ABCC11: variants seen among roughly 807,000 people sequenced by gnomAD.
ABCC11 encodes the protein ATP binding cassette subfamily C member 11, also known as ATP-binding cassette sub-family C member 11.
A neutral mutation model predicts 149.3 loss-of-function variants in ABCC11; 135 were observed. The ratio of observed to expected loss-of-function variants is 0.90; its 90% confidence interval spans 0.79 to 1.04. The LOEUF (loss-of-function observed/expected upper bound fraction) is 1.04. Ranked by LOEUF, ABCC11 falls within the 50% of genes least tolerant of loss-of-function variation. The pLI is 0.00. For synonymous variants in ABCC11, 665 were observed against 671.4 expected (o/e 0.99, Z 0.15); for missense variants, 1,680 against 1,722.1 (o/e 0.98, Z 0.43).
intron 27 of ABCC11, 24 bp from the exon 28 acceptor site, chr16:48,170,242 A>G (rs771278717): frequency 1.3e-6 from 2 of 1,593,680 alleles, no homozygotes; most frequent in Admixed American, 3.3e-5. Flanking sequence ...AGAAGAGACA[A>G]CATAACCTGG....
rs1970703368 is a variant in ABCC11 at position 48,236,639 on chromosome 16, A to G, written c.-18-4700T>C. On this transcript the variant is annotated intron_variant, in intron 1 of 29. Coordinates refer to ENST00000356608, the MANE Select transcript of ABCC11 (RefSeq NM_001370497.1). ...TACATGCAGAGTCTGTCAAAAAAGG[A>G]GCTAGGAAAGCCACACAGTCACGAA... Among the ~76,000 whole-genome samples, 3 of 152,324 alleles carry G rather than the reference A, an allele frequency of 2.0e-5. No individual in the cohort carries two copies. In the South Asian group the frequency reaches 6.2e-4, roughly 32 times the overall value.
intron 1 of ABCC11, among the ~76,000 whole-genome samples, chr16:48,239,711 C>T (rs951633966): frequency 4.0e-5 from 6 of 151,834 alleles, no homozygotes; most frequent in African/African-American, 1.5e-4. Context: ...TTCTGCACAG[C>T]AAAAGAAACT....
At chr16:48,243,203 C>T (rs781730276) in intron 1 of ABCC11, among the ~76,000 whole-genome samples, 6 of 151,418 alleles carry the variant, frequency 4.0e-5, no homozygotes, top group South Asian at 2.1e-4. Context: ...AGATTGAGAC[C>T]ATCCTGGCTA....
At chr16:48,175,466 G>C (rs758654200) in intron 25 of ABCC11, 49 bp from the exon 26 acceptor site, 1 of 1,570,432 alleles carries the variant, frequency 6.4e-7, no homozygotes, top group East Asian at 2.3e-5. Flanking sequence ...ATCTGCACTA[G>C]CGGAAGCACA....
intron 15 of ABCC11, among the ~76,000 whole-genome samples, chr16:48,199,372 C>A: frequency 6.6e-6 from 1 of 151,048 alleles, no homozygotes. Context: ...TTTTCTAAAC[C>A]TTGTTTAGGT....
chr16:48,211,351 G>A (rs1968913244), intron 10 of ABCC11, 152 bp from the exon 11 acceptor site: 2 of 959,284 alleles, frequency 2.1e-6, no homozygotes, highest in Non-Finnish European at 3.0e-6. Flanking sequence ...AGTTAGGAAA[G>A]GCCAGTTTCT....
In ABCC11 at chr16:48,211,092, G is replaced by A. The variant is rs773431192; in HGVS notation, c.1464C>T (p.Pro488=). 39 of 1,614,040 alleles carry A rather than the reference G, an allele frequency of 2.4e-5. No homozygotes were observed. The highest frequency in any genetic ancestry group is 3.0e-5 in the Non-Finnish European group (35 of 1,180,046). The change falls in exon 11 of 30, where the codon CCC becomes CCT. Residue 488 remains proline (P), a synonymous_variant. Transcript: ENST00000356608. ...EATLSWQQTC[P]GIVNGALELE... is the part of the protein sequence containing the mutation. Reference sequence around the variant, plus strand: ...GCTCCAGTGCCCCATTGACGATCCCGGGACAGGTCTGTTGCCATGACAAGG... The same window carrying A: ...GCTCCAGTGCCCCATTGACGATCCCAGGACAGGTCTGTTGCCATGACAAGG...
intron 1 of ABCC11, chr16:48,244,433 G>A: frequency 1.3e-6 from 2 of 1,590,378 alleles, no homozygotes; most frequent in Non-Finnish European, 1.7e-6. Context: ...GCCTCCCGCT[G>A]CTGCTCACCC....
intron 27 of ABCC11, among the ~76,000 whole-genome samples, chr16:48,170,559 CCTA>C: frequency 6.6e-6 from 1 of 152,330 alleles, no homozygotes; most frequent in Middle Eastern, 3.4e-3. Context: ...CTCATGACTA[CCTA>C]TACAGCCCTT....
chr16:48,225,654 C>T (rs1970025994), intron 4 of ABCC11, among the ~76,000 whole-genome samples: 2 of 152,148 alleles, frequency 1.3e-5, no homozygotes, highest in South Asian at 2.1e-4. Context: ...CGCCTCACAT[C>T]AGGAACCACA....
intron 12 of ABCC11, 136 bp from the exon 13 acceptor site, chr16:48,205,673 T>C (rs1968378169): frequency 1.3e-5 from 16 of 1,204,676 alleles, no homozygotes; most frequent in Non-Finnish European, 1.7e-5. Context: ...GGACTTTTAA[T>C]GTGGCCCTAC....
At chr16:48,246,080 C>G (rs1971366473) in intron 1 of ABCC11, among the ~76,000 whole-genome samples, 1 of 152,128 alleles carries the variant, frequency 6.6e-6, no homozygotes, top group African/African-American at 2.4e-5. Flanking sequence ...CCTTTGCTTT[C>G]TTCAGATTCT....
intron 1 of ABCC11, among the ~76,000 whole-genome samples, chr16:48,234,966 C>G (rs962497864): frequency 3.9e-5 from 6 of 152,158 alleles, no homozygotes; most frequent in Admixed American, 1.3e-4. Flanking sequence ...CTAGACAGAG[C>G]CTTTAGTGAG....
chr16:48,222,635 A>C lies in ABCC11; in HGVS notation c.740T>G (p.Ile247Ser). 6.2e-7 allele frequency: 1 copy of C among 1,614,164 alleles called. No individual in the cohort carries two copies. Among genetic ancestry groups the C allele is most frequent in the Non-Finnish European group, 8.5e-7 (1 of 1,180,024 alleles). The change falls in exon 6 of 30, where the codon ATC becomes AGC. Residue 247 changes from isoleucine to serine, a missense_variant. Coordinates refer to ENST00000356608, the MANE Select transcript of ABCC11 (RefSeq NM_001370497.1). ...AVSSFAFEKLIQFKSVIHITS... is the reference protein window; with the variant it reads ...AVSSFAFEKLSQFKSVIHITS... ...GATGTGTATTACAGACTTAAATTGG[A>C]TGAGCTTCTCAAAGGCAAAGGAGGA...
chr16:48,171,361 C>T (rs191210480), intron 26 of ABCC11, among the ~76,000 whole-genome samples: 7 of 152,136 alleles, frequency 4.6e-5, no homozygotes, highest in East Asian at 1.9e-4. Context: ...GGGAGACGTG[C>T]GGAGAGATTG....
chr16:48,230,423 C>G lies in ABCC11; in HGVS notation c.236+14G>C. 1 of 1,583,596 alleles carries G rather than the reference C, an allele frequency of 6.3e-7. No individual in the cohort carries two copies. The highest frequency in any genetic ancestry group is 1.2e-5 in the South Asian group (1 of 86,608). On this transcript the variant is annotated intron_variant, in intron 3 of 29. Transcript: ENST00000356608. ...TGGATACAGCTCTCTCCCACCACCC[C>G]CATCAGGACTCACCTCGGCTTGGGA...
At chr16:48,237,776 C>G (rs764047479) in intron 1 of ABCC11, among the ~76,000 whole-genome samples, 2 of 152,100 alleles carry the variant, frequency 1.3e-5, no homozygotes, top group Admixed American at 6.5e-5. Flanking sequence ...CCTCAAACAC[C>G]CTAAATTCAT....
At position 48,200,245 on chromosome 16, in the gene ABCC11, A is replaced by G. The variant is rs80065743; in HGVS notation, c.2082+31T>C. ...GCTTGAGGATCTACGTTATCCGTCA[A>G]TCACAGTCAGAGCCCTGGAAGGGTG... On this transcript the variant is annotated intron_variant, in intron 15 of 29. Coordinates refer to ENST00000356608, the MANE Select transcript of ABCC11 (RefSeq NM_001370497.1). 7,734 of 1,603,992 alleles carry G rather than the reference A, an allele frequency of 4.8e-3. 374 individuals carry two copies. In the East Asian group the frequency reaches 0.12, roughly 24 times the overall value.
intron 24 of ABCC11, 146 bp downstream of exon 24, chr16:48,178,451 C>G (rs932996395): frequency 7.3e-6 from 5 of 685,752 alleles, no homozygotes; most frequent in African/African-American, 7.2e-5. Flanking sequence ...CAACAAAAGT[C>G]TGGGGAAGAC....
Sources: allele counts gnomAD v4.1 joint callset (sites outside exome capture counted in the v4.1 genomes callset), GRCh38; gene constraint gnomAD v4.1.1; transcripts MANE v1.5; gene names NCBI Gene and HGNC (gene_info 2026-07-23, HGNC 2026-07-21).